DEF8: variants seen among roughly 807,000 people sequenced by gnomAD.
DEF8 encodes differentially expressed in FDCP 8 homolog, also known as DEF-8.
Under a neutral mutation model 59.1 loss-of-function variants are expected in DEF8, and 38 were observed. That is an observed-to-expected ratio of 0.64 (90% CI 0.50 to 0.84). The LOEUF (loss-of-function observed/expected upper bound fraction) is 0.84. Ranked by LOEUF, DEF8 falls within the 40% of genes least tolerant of loss-of-function variation. The pLI is 0.00. For synonymous variants in DEF8, 265 were observed against 250.1 expected (o/e 1.06, Z -0.56); for missense variants, 557 against 615.2 (o/e 0.91, Z 1.00).
intron 4 of DEF8, chr16:89,957,298 C>T: frequency 2.3e-6 from 1 of 444,432 alleles, no homozygotes; most frequent in South Asian, 4.8e-5. Flanking sequence ...TGTGGGCAGG[C>T]AGGTCAGGCT....
intron 2 of DEF8, chr16:89,952,822 C>T (rs766630109): frequency 6.6e-6 from 1 of 152,314 alleles, no homozygotes; most frequent in Non-Finnish European, 1.5e-5. Flanking sequence ...AACCCACACT[C>T]CTGCCCCACA....
At chr16:89,961,915 G>T (rs1466818000) in intron 8 of DEF8, 51 bp downstream of exon 8, 1 of 1,600,446 alleles carries the variant, frequency 6.2e-7, no homozygotes. Context: ...AGCAGGAAGG[G>T]GGTTGGGGTG....
chr16:89,962,231 G>A, intron 9 of DEF8, 106 bp downstream of exon 9: 1 of 1,013,998 alleles, frequency 9.9e-7, no homozygotes. Context: ...GTTCTGAGCA[G>A]AGGAGGGAGG....
intron 4 of DEF8, chr16:89,956,663 G>A (rs2033253881): frequency 6.7e-6 from 1 of 149,670 alleles, no homozygotes; most frequent in African/African-American, 2.5e-5. Context: ...GCACTACAAT[G>A]CTCAGATAAT....
rs534682721 is a variant in DEF8 at position 89,954,288 on chromosome 16, G to A, written c.36G>A (p.Gln12=). 4 of 1,613,538 alleles carry A rather than the reference G, an allele frequency of 2.5e-6. No individual in the cohort carries two copies. The highest frequency in any genetic ancestry group is 3.4e-6 in the Non-Finnish European group (4 of 1,179,970). ...ATGAGAAGCTGGCCCGTTTCCGGCAGGCCCACCTCAACCCCTTCAACAAGC... is the reference window on the plus strand; with the variant it reads ...ATGAGAAGCTGGCCCGTTTCCGGCAAGCCCACCTCAACCCCTTCAACAAGC... ...EYDEKLARFR[Q]AHLNPFNKQS... is the part of the protein sequence containing the mutation. Residue 12 remains glutamine, a synonymous_variant, in exon 3 of 13, where the codon CAG becomes CAA. Transcript: ENST00000563594. This position sits in a 1 kb window ranked among gnomAD's most constrained non-coding sequence, Gnocchi z 4.3.
At position 89,957,566 on chromosome 16, in the gene DEF8, A is replaced by G; in HGVS notation, c.278A>G (p.Lys93Arg). 5 of 1,592,652 alleles carry G rather than the reference A, an allele frequency of 3.1e-6. No individual in the cohort carries two copies. The highest frequency in any genetic ancestry group is 4.3e-6 in the Non-Finnish European group (5 of 1,170,258). The change falls in exon 5 of 13, where the codon AAG becomes AGG. Residue 93 changes from lysine to arginine, a missense_variant. Transcript: ENST00000563594. ...CTGCGGCAGGCGATCGAGGAGTGCA[A>G]GCAGGTGATTCTGGAGCTGCCCGAG... ...QQLRQAIEEC[K>R]QVILELPEQS... is the part of the protein sequence containing the mutation.
intron 2 of DEF8, 165 bp downstream of exon 2, chr16:89,949,678 C>T (rs1409643431): frequency 2.6e-6 from 4 of 1,554,304 alleles, no homozygotes; most frequent in South Asian, 1.1e-5. Context: ...GGCCCAGGGT[C>T]CCTCCGTGCC....
chr16:89,955,910 A>G (rs878977539), intron 4 of DEF8, among the ~76,000 whole-genome samples: 4 of 151,056 alleles, frequency 2.6e-5, no homozygotes, highest in Non-Finnish European at 5.9e-5. Context: ...GTCTCTACTA[A>G]AAAATGCAAA....
chr16:89,950,421 C>G, intron 2 of DEF8: 21 of 848,860 alleles, frequency 2.5e-5, no homozygotes, highest in Non-Finnish European at 3.0e-5. Flanking sequence ...TGGAGTTTTG[C>G]TGTGTTGCCT....
chr16:89,957,443 C>T (rs1250471000), intron 4 of DEF8, 68 bp from the exon 5 acceptor site: 9 of 1,495,694 alleles, frequency 6.0e-6, no homozygotes, highest in Admixed American at 4.4e-5. Context: ...CCTGTCTCGG[C>T]GGATGGGCCT....
At chr16:89,950,955 C>T (rs1346443833) in intron 2 of DEF8, among the ~76,000 whole-genome samples, 3 of 152,234 alleles carry the variant, frequency 2.0e-5, no homozygotes, top group Non-Finnish European at 2.9e-5. Context: ...CACTCCAGCT[C>T]GGGTGACAGA....
chr16:89,957,584 T>C lies in DEF8; in HGVS notation c.296T>C (p.Leu99Pro). 1 of 1,588,694 alleles carries C rather than the reference T, an allele frequency of 6.3e-7. No individual in the cohort carries two copies. Among genetic ancestry groups the C allele is most frequent in the Non-Finnish European group, 8.6e-7 (1 of 1,168,110 alleles). ...IEECKQVILE[L>P]PEQSEKQKDA... ...GAGTGCAAGCAGGTGATTCTGGAGC[T>C]GCCCGAGCAGTCGGAGAAGCAGAAG... Residue 99 changes from leucine to proline, a missense_variant, in exon 5 of 13, where the codon CTG becomes CCG. Transcript: ENST00000563594.
chr16:89,964,596 G>T, intron 12 of DEF8, 21 bp downstream of exon 12: 1 of 1,528,806 alleles, frequency 6.5e-7, no homozygotes, highest in African/African-American at 1.4e-5. Flanking sequence ...CCTGGGCCCC[G>T]CACTCGGGGG....
At position 89,964,548 on chromosome 16, in the gene DEF8, G is replaced by GCGC. The variant is rs2034435404; in HGVS notation, c.1229_1231dup (p.Ala410dup). 6.3e-7 allele frequency: 1 copy of GCGC among 1,585,364 alleles called. No individual in the cohort carries two copies. The highest frequency in any genetic ancestry group is 8.6e-7 in the Non-Finnish European group (1 of 1,167,064). ...CCGTTCGACAGCCACACGTCTGTGTGCGCCGACTGCTCCGCGGTCTTCCAC... is the reference window on the plus strand; with the variant it reads ...CCGTTCGACAGCCACACGTCTGTGTGCGCCGCCGACTGCTCCGCGGTCTTCCAC... On this transcript the variant is annotated inframe_insertion, in exon 12 of 13. Transcript: ENST00000563594.
chr16:89,957,742 G>T (rs1270384056), intron 5 of DEF8, 82 bp downstream of exon 5: 24 of 1,436,796 alleles, frequency 1.7e-5, no homozygotes, highest in Non-Finnish European at 2.2e-5. Context: ...GCCAGCCTCT[G>T]GCTCTCTCTC....
intron 2 of DEF8, among the ~76,000 whole-genome samples, chr16:89,953,168 T>G (rs957455500): frequency 6.6e-6 from 1 of 152,214 alleles, no homozygotes; most frequent in African/African-American, 2.4e-5. Context: ...TGAACAACTT[T>G]AAAAAGACAT....
chr16:89,952,211 C>T (rs1373149429), intron 2 of DEF8, among the ~76,000 whole-genome samples: 1 of 152,214 alleles, frequency 6.6e-6, no homozygotes, highest in Non-Finnish European at 1.5e-5. Flanking sequence ...GATAGGGCCT[C>T]ATTGCATTGG....
rs897896726 is a variant in DEF8, at chr16:89,964,044, G to A, written c.1003-126G>A. On this transcript the variant is annotated intron_variant, in intron 10 of 12. Transcript: ENST00000563594. ...TGGGGCTCCTGGATTCTACTCCTGG[G>A]GCCCAGACCCTTGTGTAGCTCGTTT... 1.0e-5 allele frequency: 13 copies of A among 1,301,564 alleles called. No homozygotes were observed. In the African/African-American group the frequency reaches 1.2e-4, roughly 12 times the overall value. 80.6% of individuals were successfully genotyped at this position (1,301,564 alleles called of 1,614,324 possible). A position where few individuals can be genotyped will look rare whatever the true frequency, so the allele number is the denominator to read the frequency against.
intron 12 of DEF8, 117 bp downstream of exon 12, chr16:89,964,692 A>T (rs1365127974): frequency 1.4e-6 from 1 of 709,278 alleles, no homozygotes; most frequent in Non-Finnish European, 2.4e-6. Flanking sequence ...TCCCCCGAGA[A>T]AGGGGAGACA....
Sources: allele counts gnomAD v4.1 joint callset (sites outside exome capture counted in the v4.1 genomes callset), GRCh38; gene constraint gnomAD v4.1.1; non-coding constraint Gnocchi (gnomAD v3.1); transcripts MANE v1.5; gene names NCBI Gene and HGNC (gene_info 2026-07-23, HGNC 2026-07-21).